VMP1: variants seen among roughly 807,000 people sequenced by gnomAD.
VMP1 encodes the protein ectopic P-granules autophagy protein 3 homolog.
A neutral mutation model predicts 56.0 loss-of-function variants in VMP1; 11 were observed. The observed-to-expected ratio is 0.20, with a 90% CI of 0.12 to 0.32. The LOEUF (loss-of-function observed/expected upper bound fraction) is 0.32, where lower values mean the gene tolerates loss of function less well. Among genes scored for constraint, VMP1 ranks in the 10% least tolerant of loss-of-function variants. VMP1 has a pLI of 1.00. For missense variants in VMP1, 296 were observed against 490.3 expected (o/e 0.60, Z 3.74); for synonymous variants, 149 against 165.0 (o/e 0.90, Z 0.74).
intron 2 of VMP1, among the ~76,000 whole-genome samples, chr17:59,733,549 A>G (rs1403934785): frequency 6.6e-6 from 1 of 152,008 alleles, no homozygotes; most frequent in Non-Finnish European, 1.5e-5. Context: ...AATACAAAAA[A>G]AAACTAGCCG....
intron 10 of VMP1, among the ~76,000 whole-genome samples, chr17:59,836,956 C>T (rs771718080): frequency 3.3e-5 from 5 of 151,794 alleles, no homozygotes; most frequent in African/African-American, 4.8e-5. Flanking sequence ...AATCCCAGCA[C>T]TTTGGGAGGC....
intron 3 of VMP1, among the ~76,000 whole-genome samples, chr17:59,735,974 T>G (rs1445404790): frequency 1.3e-5 from 2 of 152,224 alleles, no homozygotes; most frequent in African/African-American, 4.8e-5. Context: ...TGCCTTATCT[T>G]CTGGCATGCC....
At chr17:59,748,594 G>A (rs892720716) in intron 5 of VMP1, among the ~76,000 whole-genome samples, 22 of 152,134 alleles carry the variant, frequency 1.4e-4, no homozygotes, top group Non-Finnish European at 1.2e-4. Context: ...TACTTGTACA[G>A]TTTTCAGCTC....
chr17:59,833,137 T>G (rs1233045748), intron 10 of VMP1, among the ~76,000 whole-genome samples: 1 of 152,072 alleles, frequency 6.6e-6, no homozygotes, highest in East Asian at 1.9e-4. Context: ...AAATTAATCT[T>G]AAGTGTCAGA....
chr17:59,802,800 G>A (rs1312204924), intron 7 of VMP1, among the ~76,000 whole-genome samples: 1 of 152,220 alleles, frequency 6.6e-6, no homozygotes, highest in Non-Finnish European at 1.5e-5. Context: ...AGGCTGGAGT[G>A]CAATGGCACG....
Position 59,838,288 on chromosome 17 carries a change from C to T in VMP1, c.975-7C>T, listed in dbSNP as rs749300808. 1.9e-5 allele frequency: 30 copies of T among 1,613,350 alleles called. No individual in the cohort carries two copies. Among genetic ancestry groups the T allele is most frequent in the African/African-American group, 1.2e-4 (9 of 74,858 alleles). On this transcript the variant is annotated splice_region_variant and splice_polypyrimidine_tract_variant and intron_variant, in intron 10 of 11. Transcript: ENST00000262291. ...TTTTTCTTTGGGCTACTGTACCCTG[C>T]TTCCAGTGCTGTCCCCGGCATAGGT...
chr17:59,735,186 A>T, intron 2 of VMP1, 152 bp from the exon 3 acceptor site: 1 of 953,558 alleles, frequency 1.0e-6, no homozygotes, highest in Non-Finnish European at 1.5e-6. Flanking sequence ...TGCTGAGATT[A>T]TAGGTACTAC....
intron 6 of VMP1, among the ~76,000 whole-genome samples, chr17:59,771,181 A>G (rs2036411466): frequency 2.0e-5 from 3 of 148,170 alleles, no homozygotes; most frequent in African/African-American, 7.5e-5. Flanking sequence ...TTTTTTTTGA[A>G]TTATTAACTG....
chr17:59,821,491 C>G (rs150254751), intron 10 of VMP1, among the ~76,000 whole-genome samples: 80 of 150,340 alleles, frequency 5.3e-4, no homozygotes, highest in African/African-American at 1.9e-3. Flanking sequence ...TCCTGATGTC[C>G]TTATCATTTT....
chr17:59,790,620 T>C (rs567696428), intron 7 of VMP1, among the ~76,000 whole-genome samples: 10 of 152,150 alleles, frequency 6.6e-5, no homozygotes, highest in Admixed American at 1.3e-4. Flanking sequence ...TGAAACTCCA[T>C]CTCTACTAAA....
intron 6 of VMP1, among the ~76,000 whole-genome samples, chr17:59,770,401 T>C (rs971231475): frequency 6.6e-6 from 1 of 152,026 alleles, no homozygotes; most frequent in Admixed American, 6.6e-5. Context: ...TATTGTTGTA[T>C]CTATACCCTT....
intron 10 of VMP1, 91 bp from the exon 11 acceptor site, chr17:59,838,204 G>A (rs2039044401): frequency 1.1e-6 from 1 of 933,804 alleles, no homozygotes. Flanking sequence ...TGCCTTTTGA[G>A]TCCAGGTGGT....
At chr17:59,807,670 T>C (rs1420954251) in intron 7 of VMP1, among the ~76,000 whole-genome samples, 1 of 151,670 alleles carries the variant, frequency 6.6e-6, no homozygotes, top group Middle Eastern at 3.2e-3. Flanking sequence ...TCGTCTCTAC[T>C]AAAAATACAA....
At chr17:59,797,108 C>T (rs1044108407) in intron 7 of VMP1, among the ~76,000 whole-genome samples, 11 of 151,856 alleles carry the variant, frequency 7.2e-5, no homozygotes, top group Middle Eastern at 6.8e-3. Context: ...GCAAGGCAGG[C>T]GGGTCACAAG....
rs566031668 is a variant in VMP1 at position 59,761,064 on chromosome 17, G to A, written c.415-3907G>A. Among the ~76,000 whole-genome samples, 203 of 151,040 alleles carry A rather than the reference G, an allele frequency of 1.3e-3. 1 individual carries two copies. The highest frequency in any genetic ancestry group is 4.2e-3 in the African/African-American group (174 of 41,098). On this transcript the variant is annotated intron_variant, in intron 5 of 11. Transcript: ENST00000262291. ...ATTATAGGCACTTGCCACCATGCCC[G>A]GCTAATTTTTTGTATTTTTAGTAGA...
chr17:59,798,124 G>A (rs908081066), intron 7 of VMP1, among the ~76,000 whole-genome samples: 6 of 152,120 alleles, frequency 3.9e-5, no homozygotes, highest in African/African-American at 7.2e-5. Flanking sequence ...TACTGTATAC[G>A]TTATGCCTTA....
intron 1 of VMP1, among the ~76,000 whole-genome samples, chr17:59,711,758 C>G (rs901884592): frequency 2.6e-5 from 4 of 152,130 alleles, no homozygotes; most frequent in African/African-American, 9.7e-5. Context: ...TTAAATTAAG[C>G]AAGGGCAATC....
At chr17:59,720,625 A>G (rs2034352986) in intron 1 of VMP1, among the ~76,000 whole-genome samples, 2 of 152,232 alleles carry the variant, frequency 1.3e-5, no homozygotes, top group African/African-American at 2.4e-5. Flanking sequence ...AACAGCATGG[A>G]GAAACTAACA....
chr17:59,718,872 A>T (rs1326602144), intron 1 of VMP1, among the ~76,000 whole-genome samples: 1 of 151,662 alleles, frequency 6.6e-6, no homozygotes, highest in Non-Finnish European at 1.5e-5. Flanking sequence ...AAATTCAAGA[A>T]TTTTTTTTCA....
Sources: allele counts gnomAD v4.1 joint callset (sites outside exome capture counted in the v4.1 genomes callset), GRCh38; gene constraint gnomAD v4.1.1; transcripts MANE v1.5; gene names NCBI Gene and HGNC (gene_info 2026-07-23, HGNC 2026-07-21).